The following SOBP variants were observed in gnomAD, a reference collection of about 807,000 sequenced individuals.
The protein encoded by SOBP is sine oculis-binding protein homolog.
Under a neutral mutation model 53.6 loss-of-function variants are expected in SOBP, and 4 were observed. That is an observed-to-expected ratio of 0.07 (90% CI 0.04 to 0.17). The LOEUF (loss-of-function observed/expected upper bound fraction) is 0.17, where lower values mean the gene tolerates loss of function less well. Ranked by LOEUF, SOBP falls within the 10% of genes least tolerant of loss-of-function variation. SOBP has a pLI of 1.00. For missense variants in SOBP, 1,088 were observed against 1,204.7 expected (o/e 0.90, Z 1.43); for synonymous variants, 584 against 522.6 (o/e 1.12, Z -1.60).
At chr6:107,602,375 A>G (rs1436760402) in intron 5 of SOBP, among the ~76,000 whole-genome samples, 3 of 152,186 alleles carry the variant, frequency 2.0e-5, no homozygotes, top group Non-Finnish European at 4.4e-5. Flanking sequence ...AAATCAGACC[A>G]GCTTTATTTG....
At chr6:107,510,610 A>T (rs1783142183) in intron 3 of SOBP, 1 of 152,336 alleles carries the variant, frequency 6.6e-6, no homozygotes, top group East Asian at 1.9e-4. Flanking sequence ...ACTCTTAATT[A>T]TCCATGGCTA....
chr6:107,523,944 T>G (rs1187698306), intron 3 of SOBP, among the ~76,000 whole-genome samples: 3 of 152,208 alleles, frequency 2.0e-5, no homozygotes, highest in African/African-American at 7.2e-5. Context: ...CATCATACAG[T>G]GCCTGGCACG....
chr6:107,499,255 C>T (rs923154032), intron 1 of SOBP, among the ~76,000 whole-genome samples: 1 of 152,092 alleles, frequency 6.6e-6, no homozygotes, highest in Non-Finnish European at 1.5e-5. Flanking sequence ...CTAGATCTCT[C>T]ATGCCTGTCT....
intron 4 of SOBP, among the ~76,000 whole-genome samples, chr6:107,577,437 A>G (rs1270943027): frequency 6.6e-6 from 1 of 152,210 alleles, no homozygotes; most frequent in Admixed American, 6.5e-5. Flanking sequence ...TTTCTCAACA[A>G]GGCACATCCA....
At chr6:107,551,097 T>C (rs184164933) in intron 4 of SOBP, among the ~76,000 whole-genome samples, 1 of 152,258 alleles carries the variant, frequency 6.6e-6, no homozygotes, top group East Asian at 1.9e-4. Flanking sequence ...GGTAGAAAAC[T>C]TCTCCAACAT....
intron 4 of SOBP, among the ~76,000 whole-genome samples, chr6:107,549,134 G>A (rs767690859): frequency 4.6e-5 from 7 of 151,964 alleles, no homozygotes; most frequent in Admixed American, 1.3e-4. Flanking sequence ...GGGCATGATG[G>A]CAGGTGCCTG....
At chr6:107,568,683 T>C (rs73516964) in intron 4 of SOBP, among the ~76,000 whole-genome samples, 2,137 of 152,320 alleles carry the variant, frequency 0.014, 46 homozygotes, top group African/African-American at 0.049. Flanking sequence ...GGTATTGTGG[T>C]GGATACCTTC....
intron 4 of SOBP, among the ~76,000 whole-genome samples, chr6:107,559,466 T>G (rs1445083316): frequency 3.3e-5 from 5 of 152,168 alleles, no homozygotes; most frequent in African/African-American, 1.2e-4. Context: ...TGAAATTTAT[T>G]TAAACTAAGA....
intron 5 of SOBP, among the ~76,000 whole-genome samples, chr6:107,590,642 A>G (rs1365461317): frequency 6.6e-6 from 1 of 152,212 alleles, no homozygotes; most frequent in Non-Finnish European, 1.5e-5. Flanking sequence ...CTGGAAGGTG[A>G]AATAAAAATA....
chr6:107,588,009 C>T (rs1003475417), intron 5 of SOBP, among the ~76,000 whole-genome samples: 7 of 152,044 alleles, frequency 4.6e-5, no homozygotes, highest in African/African-American at 1.7e-4. Context: ...CTATGTTGTC[C>T]CTAAATGTTC....
intron 4 of SOBP, among the ~76,000 whole-genome samples, chr6:107,544,360 G>C (rs12215569): frequency 0.019 from 2,845 of 152,292 alleles, 45 homozygotes; most frequent in East Asian, 0.054. Flanking sequence ...TTGTTGAACA[G>C]TAACTATGGG....
chr6:107,566,484 C>G (rs553778412), intron 4 of SOBP, among the ~76,000 whole-genome samples: 1 of 152,326 alleles, frequency 6.6e-6, no homozygotes, highest in South Asian at 2.1e-4. Context: ...TTTAGCCAGG[C>G]TCTTCAGGAA....
chr6:107,621,130 C>A, intron 5 of SOBP: 2 of 851,330 alleles, frequency 2.3e-6, no homozygotes, highest in Non-Finnish European at 2.8e-6. Flanking sequence ...TACTATTGAG[C>A]CACTTGAATT....
chr6:107,652,770 A>C (rs948796561), intron 6 of SOBP, among the ~76,000 whole-genome samples: 1 of 152,130 alleles, frequency 6.6e-6, no homozygotes, highest in Non-Finnish European at 1.5e-5. Flanking sequence ...CACCACCCTG[A>C]TTAGTCAGCA....
chr6:107,546,793 G>A (rs952591387), intron 4 of SOBP, among the ~76,000 whole-genome samples: 5 of 152,144 alleles, frequency 3.3e-5, no homozygotes, highest in African/African-American at 1.2e-4. Context: ...ACCAAATATA[G>A]CCTTGCAAAA....
chr6:107,505,263 GC>G (rs1219296580), intron 2 of SOBP, among the ~76,000 whole-genome samples: 20 of 151,988 alleles, frequency 1.3e-4, no homozygotes, highest in Admixed American at 1.3e-3. Flanking sequence ...AGAGAGCTAT[GC>G]TTGCTGTATA....
intron 6 of SOBP, among the ~76,000 whole-genome samples, chr6:107,653,956 G>T (rs1215099487): frequency 2.0e-5 from 3 of 152,188 alleles, no homozygotes; most frequent in African/African-American, 7.2e-5. Flanking sequence ...ACACAGTTTT[G>T]CTATCTATAA....
chr6:107,548,448 T>A (rs1014180910), intron 4 of SOBP, among the ~76,000 whole-genome samples: 1 of 152,000 alleles, frequency 6.6e-6, no homozygotes, highest in Non-Finnish European at 1.5e-5. Flanking sequence ...TTCATTGTGT[T>A]AGCCAGGATG....
chr6:107,577,962 T>C (rs1459267459), intron 4 of SOBP, among the ~76,000 whole-genome samples: 1 of 151,158 alleles, frequency 6.6e-6, no homozygotes, highest in African/African-American at 2.4e-5. Context: ...TAGTCCCAGC[T>C]ACTCGGGAGG....
Sources: allele counts gnomAD v4.1 joint callset (sites outside exome capture counted in the v4.1 genomes callset), GRCh38; gene constraint gnomAD v4.1.1; transcripts MANE v1.5; gene names NCBI Gene and HGNC (gene_info 2026-07-23, HGNC 2026-07-21).